The following LRP1B variants were observed in gnomAD, a reference collection of about 807,000 sequenced individuals.
LRP1B encodes low-density lipoprotein receptor-related protein 1B.
Under a neutral mutation model 556.6 loss-of-function variants are expected in LRP1B, and 217 were observed. The ratio of observed to expected loss-of-function variants is 0.39; its 90% confidence interval spans 0.35 to 0.44. The LOEUF (loss-of-function observed/expected upper bound fraction) is 0.44. Ranked by LOEUF, LRP1B falls within the 20% of genes least tolerant of loss-of-function variation. The pLI is 1.00. For missense variants in LRP1B, 5,053 were observed against 5,620.8 expected (o/e 0.90, Z 3.23); for synonymous variants, 2,047 against 1,865.8 (o/e 1.10, Z -2.50).
intron 2 of LRP1B, among the ~76,000 whole-genome samples, chr2:141,789,727 A>T (rs138489794): frequency 6.6e-6 from 1 of 152,148 alleles, no homozygotes; most frequent in Non-Finnish European, 1.5e-5. Flanking sequence ...AGAATAGCTC[A>T]TGTGGTAGTA....
chr2:141,153,251 T>G (rs1701969347), intron 7 of LRP1B, among the ~76,000 whole-genome samples: 1 of 131,310 alleles, frequency 7.6e-6, no homozygotes, highest in Non-Finnish European at 1.6e-5. Context: ...GTATATATAA[T>G]TTATATATAT....
intron 17 of LRP1B, among the ~76,000 whole-genome samples, chr2:140,983,499 C>T (rs1481142309): frequency 6.6e-6 from 1 of 152,062 alleles, no homozygotes; most frequent in East Asian, 1.9e-4. Context: ...GCAAAGCCAA[C>T]TCAATCAAAT....
intron 17 of LRP1B, among the ~76,000 whole-genome samples, chr2:140,984,952 A>G (rs1402504719): frequency 1.3e-5 from 2 of 152,088 alleles, no homozygotes; most frequent in African/African-American, 4.8e-5. Context: ...TTTTTCTGAA[A>G]ACAAACTCAC....
At chr2:141,217,488 A>G (rs1236753228) in intron 6 of LRP1B, among the ~76,000 whole-genome samples, 1 of 152,182 alleles carries the variant, frequency 6.6e-6, no homozygotes, top group Non-Finnish European at 1.5e-5. Flanking sequence ...ACAGAGGTGA[A>G]CTATCAGCCC....
At chr2:140,663,943 A>C (rs1685181494) in intron 41 of LRP1B, among the ~76,000 whole-genome samples, 2 of 152,026 alleles carry the variant, frequency 1.3e-5, no homozygotes, top group Non-Finnish European at 2.9e-5. Flanking sequence ...TATTAACTGG[A>C]CTAATTTCAA....
intron 83 of LRP1B, among the ~76,000 whole-genome samples, chr2:140,310,663 A>C (rs1684260034): frequency 1.3e-5 from 2 of 151,882 alleles, no homozygotes; most frequent in South Asian, 2.1e-4. Context: ...CATCCTATTC[A>C]ATAAATGGTC....
intron 1 of LRP1B, among the ~76,000 whole-genome samples, chr2:142,112,128 T>C (rs1176345964): frequency 1.3e-5 from 2 of 152,072 alleles, no homozygotes; most frequent in African/African-American, 4.8e-5. Context: ...AATATACAGA[T>C]GCCTAACACC....
At chr2:141,711,658 A>T (rs1014815809) in intron 2 of LRP1B, among the ~76,000 whole-genome samples, 1 of 152,158 alleles carries the variant, frequency 6.6e-6, no homozygotes, top group Non-Finnish European at 1.5e-5. Context: ...TTAAACTTAC[A>T]TAAAATATAA....
chr2:141,381,928 G>C (rs1366040221), intron 3 of LRP1B, among the ~76,000 whole-genome samples: 2 of 152,100 alleles, frequency 1.3e-5, no homozygotes, highest in Non-Finnish European at 2.9e-5. Flanking sequence ...TCAGAATTTA[G>C]GTACAAGATT....
chr2:141,074,095 T>C (rs1309947949), intron 7 of LRP1B, among the ~76,000 whole-genome samples: 3 of 152,082 alleles, frequency 2.0e-5, no homozygotes, highest in Non-Finnish European at 4.4e-5. Context: ...TCTGCCTCTC[T>C]CTCCAGTTTC....
intron 76 of LRP1B, 21 bp downstream of exon 76, chr2:140,352,932 C>T (rs2105121539): frequency 1.3e-6 from 2 of 1,596,562 alleles, no homozygotes; most frequent in Non-Finnish European, 1.7e-6. Flanking sequence ...ATAGGATTTG[C>T]AATAGTGGTT....
intron 3 of LRP1B, among the ~76,000 whole-genome samples, chr2:141,338,653 A>C (rs930726125): frequency 3.9e-5 from 6 of 152,194 alleles, no homozygotes; most frequent in African/African-American, 1.4e-4. Context: ...CAGAGTCAGA[A>C]CTAGTCACTT....
intron 7 of LRP1B, among the ~76,000 whole-genome samples, chr2:141,137,973 C>A (rs1186232876): frequency 6.6e-6 from 1 of 151,474 alleles, no homozygotes; most frequent in Non-Finnish European, 1.5e-5. Flanking sequence ...CAAAATCAGA[C>A]AAAAGTGTTA....
At chr2:141,140,176 T>G (rs139565919) in intron 7 of LRP1B, among the ~76,000 whole-genome samples, 1 of 152,144 alleles carries the variant, frequency 6.6e-6, no homozygotes, top group Non-Finnish European at 1.5e-5. Flanking sequence ...CACTTCTTTC[T>G]TAAGGGGGAG....
chr2:140,667,339 G>T (rs1292501933), intron 41 of LRP1B, among the ~76,000 whole-genome samples: 1 of 152,186 alleles, frequency 6.6e-6, no homozygotes, highest in Non-Finnish European at 1.5e-5. Context: ...AGGCAATAGA[G>T]TTGAACCATT....
intron 2 of LRP1B, among the ~76,000 whole-genome samples, chr2:141,752,043 C>T (rs1460841176): frequency 6.6e-6 from 1 of 151,676 alleles, no homozygotes; most frequent in African/African-American, 2.4e-5. Flanking sequence ...CAGATTATGA[C>T]TTTTCCCAAT....
At chr2:140,749,909 C>T (rs1688511348) in intron 35 of LRP1B, among the ~76,000 whole-genome samples, 1 of 152,160 alleles carries the variant, frequency 6.6e-6, no homozygotes, top group Non-Finnish European at 1.5e-5. Flanking sequence ...AGTATCACCA[C>T]AAATATGTGA....
intron 41 of LRP1B, among the ~76,000 whole-genome samples, chr2:140,657,023 TA>T (rs1419164030): frequency 6.6e-6 from 1 of 152,094 alleles, no homozygotes; most frequent in Non-Finnish European, 1.5e-5. Flanking sequence ...TATTATATTT[TA>T]AGTTCCCAAT....
intron 2 of LRP1B, among the ~76,000 whole-genome samples, chr2:141,712,543 C>T (rs938417895): frequency 6.6e-6 from 1 of 152,012 alleles, no homozygotes; most frequent in Non-Finnish European, 1.5e-5. Context: ...ATAAAATGGG[C>T]AAAACAATGA....
Sources: allele counts gnomAD v4.1 joint callset (sites outside exome capture counted in the v4.1 genomes callset), GRCh38; gene constraint gnomAD v4.1.1; transcripts MANE v1.5; gene names NCBI Gene and HGNC (gene_info 2026-07-23, HGNC 2026-07-21).